Variants in LUZP2 observed in about 807,000 individuals in gnomAD.
LUZP2 encodes the protein leucine zipper protein 2.
A neutral mutation model predicts 51.6 loss-of-function variants in LUZP2; 52 were observed. The ratio of observed to expected loss-of-function variants is 1.01; its 90% CI spans 0.81 to 1.27. LUZP2 has a LOEUF of 1.27. Among genes scored for constraint, LUZP2 ranks in the 50% most tolerant of loss-of-function variants. The pLI is 0.00. For missense variants in LUZP2, 436 were observed against 395.4 expected, an observed-to-expected ratio of 1.10 and a Z score of -0.87; for synonymous variants, 154 against 137.3, an observed-to-expected ratio of 1.12 and a Z score of -0.85.
chr11:25,015,310 A>C (rs747224592), intron 9 of LUZP2, among the ~76,000 whole-genome samples: 1 of 152,140 alleles, frequency 6.6e-6, no homozygotes, highest in Admixed American at 6.6e-5. Context: ...AGCTTCCCCT[A>C]ATGTTAACAT....
At chr11:24,563,878 T>C (rs1192827697) in intron 1 of LUZP2, among the ~76,000 whole-genome samples, 1 of 152,166 alleles carries the variant, frequency 6.6e-6, no homozygotes, top group Non-Finnish European at 1.5e-5. Flanking sequence ...ATAACTAAAC[T>C]GTAATTAGAG....
chr11:24,798,086 T>C (rs1199623632), intron 5 of LUZP2, among the ~76,000 whole-genome samples: 1 of 152,204 alleles, frequency 6.6e-6, no homozygotes, highest in African/African-American at 2.4e-5. Context: ...TTTTTGGCTC[T>C]GATGCTCTGT....
At chr11:24,768,805 T>G (rs1159318375) in intron 5 of LUZP2, among the ~76,000 whole-genome samples, 1 of 152,178 alleles carries the variant, frequency 6.6e-6, no homozygotes, top group Non-Finnish European at 1.5e-5. Context: ...GGGTGGGACT[T>G]CAGTGAGTAC....
At chr11:25,018,760 A>G (rs925062021) in intron 9 of LUZP2, among the ~76,000 whole-genome samples, 2 of 151,812 alleles carry the variant, frequency 1.3e-5, no homozygotes, top group Non-Finnish European at 2.9e-5. Flanking sequence ...GGTGCATGCC[A>G]CCATGCCTGG....
intron 5 of LUZP2, among the ~76,000 whole-genome samples, chr11:24,815,602 C>G (rs1169055390): frequency 1.3e-5 from 2 of 152,108 alleles, no homozygotes; most frequent in Admixed American, 6.5e-5. Context: ...TCCTGCCCAG[C>G]CTTTAGCCCC....
chr11:24,962,242 C>T (rs954084250), intron 7 of LUZP2, among the ~76,000 whole-genome samples: 6 of 152,186 alleles, frequency 3.9e-5, no homozygotes, highest in Admixed American at 6.5e-5. Flanking sequence ...TTGCTCTTCG[C>T]GAGGAGTAGA....
chr11:24,776,354 A>G (rs1201160143), intron 5 of LUZP2, among the ~76,000 whole-genome samples: 1 of 152,106 alleles, frequency 6.6e-6, no homozygotes, highest in African/African-American at 2.4e-5. Flanking sequence ...GTCAACCACC[A>G]TGGTCAGGGA....
intron 5 of LUZP2, among the ~76,000 whole-genome samples, chr11:24,861,523 A>C (rs1565008650): frequency 6.6e-6 from 1 of 152,290 alleles, no homozygotes; most frequent in East Asian, 1.9e-4. Context: ...AAGATACTCC[A>C]CAAAATGCCC....
At chr11:24,689,711 C>A (rs1186111897) in intron 1 of LUZP2, among the ~76,000 whole-genome samples, 1 of 152,100 alleles carries the variant, frequency 6.6e-6, no homozygotes, top group South Asian at 2.1e-4. Context: ...TTTAATTTCC[C>A]CCATGTTATA....
chr11:24,619,382 C>A (rs1854416211), intron 1 of LUZP2, among the ~76,000 whole-genome samples: 1 of 152,148 alleles, frequency 6.6e-6, no homozygotes, highest in African/African-American at 2.4e-5. Flanking sequence ...TTTGTAGCAT[C>A]TGCTGTACTA....
intron 5 of LUZP2, among the ~76,000 whole-genome samples, chr11:24,768,671 C>T (rs1023074096): frequency 6.6e-6 from 1 of 152,140 alleles, no homozygotes; most frequent in Admixed American, 6.6e-5. Context: ...CATCACTAAT[C>T]ATCACGAAAA....
At chr11:24,910,331 T>G (rs1853586601) in intron 6 of LUZP2, among the ~76,000 whole-genome samples, 1 of 152,172 alleles carries the variant, frequency 6.6e-6, no homozygotes, top group Admixed American at 6.5e-5. Flanking sequence ...AGCCCAATGT[T>G]AATCACCAAG....
At chr11:24,669,899 T>C (rs1856346212) in intron 1 of LUZP2, among the ~76,000 whole-genome samples, 1 of 152,042 alleles carries the variant, frequency 6.6e-6, no homozygotes, top group Non-Finnish European at 1.5e-5. Flanking sequence ...CCTTTAACTA[T>C]CTTTGGCTAT....
chr11:24,990,446 T>C (rs1401605078), intron 9 of LUZP2, among the ~76,000 whole-genome samples: 1 of 152,082 alleles, frequency 6.6e-6, no homozygotes, highest in African/African-American at 2.4e-5. Flanking sequence ...CATAATCTTG[T>C]CTCACTGATG....
At chr11:24,587,867 CAG>C (rs1257592940) in intron 1 of LUZP2, among the ~76,000 whole-genome samples, 1 of 151,890 alleles carries the variant, frequency 6.6e-6, no homozygotes, top group Non-Finnish European at 1.5e-5. Flanking sequence ...ACAGATGTGT[CAG>C]AGGGGGTAGG....
chr11:24,968,826 G>T (rs1855663298), intron 7 of LUZP2, among the ~76,000 whole-genome samples: 1 of 152,226 alleles, frequency 6.6e-6, no homozygotes, highest in Non-Finnish European at 1.5e-5. Context: ...CCTTGGTTAA[G>T]AAATTGCCAT....
intron 10 of LUZP2, among the ~76,000 whole-genome samples, chr11:25,065,188 G>A (rs1341606109): frequency 6.6e-6 from 1 of 151,974 alleles, no homozygotes; most frequent in African/African-American, 2.4e-5. Context: ...TTTTGGTCAT[G>A]CATTGTCTCT....
At chr11:24,814,376 A>G (rs937192737) in intron 5 of LUZP2, among the ~76,000 whole-genome samples, 4 of 152,128 alleles carry the variant, frequency 2.6e-5, no homozygotes, top group Non-Finnish European at 5.9e-5. Flanking sequence ...GGTTTCTACC[A>G]CTAAAAAAGA....
intron 10 of LUZP2, among the ~76,000 whole-genome samples, chr11:25,076,359 G>T (rs75986871): frequency 0.025 from 3,830 of 152,200 alleles, 114 homozygotes; most frequent in East Asian, 0.093. Context: ...GTTCACAAAT[G>T]ATTAAACTCT....
Sources: allele counts gnomAD v4.1 joint callset (sites outside exome capture counted in the v4.1 genomes callset), GRCh38; gene constraint gnomAD v4.1.1; transcripts MANE v1.5; gene names NCBI Gene and HGNC (gene_info 2026-07-23, HGNC 2026-07-21).